CNTN4: variants seen among roughly 807,000 people sequenced by gnomAD.
The protein encoded by CNTN4 is contactin-4.
A neutral mutation model predicts 122.5 loss-of-function variants in CNTN4; 77 were observed. The observed-to-expected ratio is 0.63, with a 90% CI of 0.52 to 0.76. The LOEUF (loss-of-function observed/expected upper bound fraction) is 0.76. CNTN4 is among the 30% of genes least tolerant of loss of function. The pLI is 0.00. For synonymous variants in CNTN4, 512 were observed against 447.0 expected, an observed-to-expected ratio of 1.15 and a Z score of -1.83; for missense variants, 1,256 against 1,259.1, an observed-to-expected ratio of 1.00 and a Z score of 0.04.
At chr3:2,621,242 G>A (rs2081977945) in intron 4 of CNTN4, among the ~76,000 whole-genome samples, 1 of 152,158 alleles carries the variant, frequency 6.6e-6, no homozygotes, top group Non-Finnish European at 1.5e-5. Context: ...GAACTAGACT[G>A]AGTCTGCCTC....
At chr3:3,049,859 A>G (rs376240500) in intron 23 of CNTN4, among the ~76,000 whole-genome samples, 35 of 152,356 alleles carry the variant, frequency 2.3e-4, no homozygotes, top group South Asian at 4.1e-4. Context: ...GTGATTGTTC[A>G]GAATGAGACT....
At chr3:2,587,991 G>A (rs940653784) in intron 4 of CNTN4, among the ~76,000 whole-genome samples, 19 of 151,766 alleles carry the variant, frequency 1.3e-4, no homozygotes, top group African/African-American at 2.9e-4. Flanking sequence ...CTAGGTCAGC[G>A]TTTCCCAAAA....
intron 2 of CNTN4, among the ~76,000 whole-genome samples, chr3:2,218,789 A>G (rs1441347832): frequency 1.3e-5 from 2 of 152,196 alleles, no homozygotes; most frequent in Non-Finnish European, 2.9e-5. Flanking sequence ...TTCTATCATG[A>G]ATGAAGCCCT....
chr3:3,046,076 G>A lies in CNTN4; in HGVS notation c.2811+2372G>A, dbSNP rs561273068. Among the ~76,000 whole-genome samples the A allele has an allele frequency of 2.0e-5, 3 of 152,246 alleles. No individual in the cohort carries two copies. The East Asian group carries it at 5.8e-4, about 29-fold the overall frequency. On this transcript the variant is annotated intron_variant, in intron 23 of 24. Transcript: ENST00000418658. ...AATGAAGCAAGAAGAGAAGTTTAGA[G>A]AAAAAAGAATGAAAAGAAACGAACA...
At chr3:2,643,208 C>A (rs1052563975) in intron 4 of CNTN4, among the ~76,000 whole-genome samples, 1 of 152,172 alleles carries the variant, frequency 6.6e-6, no homozygotes, top group Non-Finnish European at 1.5e-5. Context: ...GAGTCTCTCT[C>A]TGTCTCCCAA....
intron 4 of CNTN4, among the ~76,000 whole-genome samples, chr3:2,586,580 C>A (rs1056061750): frequency 6.6e-6 from 1 of 152,078 alleles, no homozygotes; most frequent in Middle Eastern, 3.2e-3. Flanking sequence ...CGTGAGCCAC[C>A]GCCTGCACCC....
intron 2 of CNTN4, among the ~76,000 whole-genome samples, chr3:2,191,692 A>ATG (rs1476310675): frequency 6.0e-5 from 2 of 33,560 alleles, no homozygotes; most frequent in African/African-American, 1.4e-4. Flanking sequence ...ACAAAATTCT[A>ATG]TGTATATATA....
intron 6 of CNTN4, among the ~76,000 whole-genome samples, chr3:2,791,704 C>T (rs62232897): frequency 0.15 from 22,478 of 152,116 alleles, 2,208 homozygotes; most frequent in East Asian, 0.41. Context: ...TGTTCTTTTA[C>T]GGTTCTAGAG....
At chr3:2,099,685 G>T (rs1276099895) in intron 1 of CNTN4, 1 of 152,322 alleles carries the variant, frequency 6.6e-6, no homozygotes, top group Non-Finnish European at 1.5e-5. Flanking sequence ...GCGGGAGCCT[G>T]TTGGGTGGCA....
intron 3 of CNTN4, among the ~76,000 whole-genome samples, chr3:2,528,870 C>T (rs865841426): frequency 2.0e-5 from 3 of 151,930 alleles, no homozygotes; most frequent in African/African-American, 7.3e-5. Flanking sequence ...ATAGTATTGT[C>T]TCAATGCATC....
intron 2 of CNTN4, among the ~76,000 whole-genome samples, chr3:2,318,769 A>G (rs969334050): frequency 6.6e-6 from 1 of 152,030 alleles, no homozygotes; most frequent in Non-Finnish European, 1.5e-5. Flanking sequence ...CCTCCCAAGT[A>G]TCTGGGACTG....
At chr3:2,830,907 G>A (rs1045565519) in intron 7 of CNTN4, among the ~76,000 whole-genome samples, 5 of 152,174 alleles carry the variant, frequency 3.3e-5, no homozygotes, top group African/African-American at 1.2e-4. Context: ...AGGAAATGCT[G>A]ACTGAGTCCT....
chr3:2,692,329 C>T (rs761038275), intron 4 of CNTN4, among the ~76,000 whole-genome samples: 3 of 152,122 alleles, frequency 2.0e-5, no homozygotes, highest in Non-Finnish European at 4.4e-5. Context: ...TTTACCTCCG[C>T]TACCTATGCC....
At chr3:3,003,133 A>C (rs1328631458) in intron 14 of CNTN4, among the ~76,000 whole-genome samples, 1 of 152,232 alleles carries the variant, frequency 6.6e-6, no homozygotes, top group Non-Finnish European at 1.5e-5. Flanking sequence ...GCTAGAGAGA[A>C]AACTGGTTCA....
chr3:3,054,937 G>A (rs1701649372), intron 24 of CNTN4, among the ~76,000 whole-genome samples: 1 of 152,148 alleles, frequency 6.6e-6, no homozygotes, highest in Non-Finnish European at 1.5e-5. Context: ...GAGATTAGGG[G>A]AGCAGTGAAG....
chr3:2,534,451 T>TTA (rs1162113541), intron 3 of CNTN4, among the ~76,000 whole-genome samples: 2 of 152,172 alleles, frequency 1.3e-5, no homozygotes, highest in African/African-American at 4.8e-5. Flanking sequence ...TTAGTCTATA[T>TTA]CTTTCTTAAG....
intron 2 of CNTN4, among the ~76,000 whole-genome samples, chr3:2,146,776 A>G (rs1396916497): frequency 1.3e-5 from 2 of 152,212 alleles, no homozygotes; most frequent in Non-Finnish European, 2.9e-5. Context: ...GGTGATTATC[A>G]GTACTTCTCA....
At chr3:3,039,344 CAGCAAT>C in intron 19 of CNTN4, 1 of 244,808 alleles carries the variant, frequency 4.1e-6, no homozygotes, top group Non-Finnish European at 8.2e-6. Flanking sequence ...AAACGTCTGC[CAGCAAT>C]AGATTCAGTG....
In CNTN4 at chr3:2,913,846, C is replaced by T. The variant is rs557360197; in HGVS notation, c.1207+10841C>T. On this transcript the variant is annotated intron_variant, in intron 12 of 24. Transcript: ENST00000418658. Reference sequence around the variant, plus strand: ...TAAAGAACACTGCTCTCTACTACAACAGAATATGAAATCTACTCATGCACA... The same window carrying T: ...TAAAGAACACTGCTCTCTACTACAATAGAATATGAAATCTACTCATGCACA... Among the ~76,000 whole-genome samples, 6 of 152,280 alleles carry T rather than the reference C, an allele frequency of 3.9e-5. No individual in the cohort carries two copies. In the East Asian group the frequency reaches 9.6e-4, roughly 24 times the overall value.
Sources: allele counts gnomAD v4.1 joint callset (sites outside exome capture counted in the v4.1 genomes callset), GRCh38; gene constraint gnomAD v4.1.1; transcripts MANE v1.5; gene names NCBI Gene and HGNC (gene_info 2026-07-23, HGNC 2026-07-21).